The following FREM1 variants were observed in gnomAD, a reference collection of about 807,000 sequenced individuals.
FREM1 encodes FRAS1-related extracellular matrix protein 1.
A neutral mutation model predicts 210.1 loss-of-function variants in FREM1; 220 were observed. The ratio of observed to expected loss-of-function variants is 1.05; its 90% CI spans 0.94 to 1.17. The LOEUF is 1.17. Among genes scored for constraint, FREM1 ranks in the 50% most tolerant of loss-of-function variants. The pLI is 0.00. For synonymous variants in FREM1, 1,189 were observed against 980.2 expected (o/e 1.21, Z -3.98); for missense variants, 3,454 against 2,675.5 (o/e 1.29, Z -6.42).
At chr9:14,866,497 A>G (rs1361636340) in intron 2 of FREM1, among the ~76,000 whole-genome samples, 2 of 152,070 alleles carry the variant, frequency 1.3e-5, no homozygotes, top group Admixed American at 1.3e-4. Context: ...GTAACAATAG[A>G]TTATCTCCAA....
intron 1 of FREM1, among the ~76,000 whole-genome samples, chr9:14,884,703 G>A (rs1835450570): frequency 6.6e-6 from 1 of 152,024 alleles, no homozygotes; most frequent in African/African-American, 2.4e-5. Context: ...GAGATAATCT[G>A]TGCACAACAA....
intron 1 of FREM1, among the ~76,000 whole-genome samples, chr9:14,883,733 T>C (rs950772264): frequency 6.6e-5 from 10 of 152,206 alleles, no homozygotes; most frequent in Non-Finnish European, 1.5e-4. Flanking sequence ...AACACTCTAA[T>C]GGGAAGCCTA....
intron 35 of FREM1, among the ~76,000 whole-genome samples, chr9:14,745,012 C>T (rs1036365543): frequency 2.0e-5 from 3 of 152,114 alleles, no homozygotes; most frequent in Non-Finnish European, 2.9e-5. Context: ...CAAACTAATG[C>T]AGGAACAGAA....
rs191587501 is a variant in FREM1, at chr9:14,786,244, G to A, written c.4178-1610C>T. Among the ~76,000 whole-genome samples the A allele has an allele frequency of 1.3e-3, 200 of 152,250 alleles. 1 individual carries two copies. The highest frequency in any genetic ancestry group is 2.1e-3 in the Non-Finnish European group (143 of 68,006). On this transcript the variant is annotated intron_variant, in intron 23 of 36. Coordinates refer to ENST00000380880, the MANE Select transcript of FREM1 (RefSeq NM_001379081.2). ...TAAAACATTGAGTGAGAATTCGTAC[G>A]CAAGCCATCTGAGCCCAGAGCACAA...
intron 20 of FREM1, 21 bp downstream of exon 20, chr9:14,801,631 T>A: frequency 6.7e-7 from 1 of 1,492,358 alleles, no homozygotes. Flanking sequence ...AACAAATGCA[T>A]GGAAGTGGAA....
At chr9:14,859,754 T>C (rs1829457985) in intron 3 of FREM1, among the ~76,000 whole-genome samples, 1 of 152,228 alleles carries the variant, frequency 6.6e-6, no homozygotes, top group Non-Finnish European at 1.5e-5. Context: ...GGATATTTAA[T>C]GACTGCTGAG....
intron 20 of FREM1, among the ~76,000 whole-genome samples, chr9:14,800,172 A>G (rs1307494032): frequency 6.6e-6 from 1 of 152,160 alleles, no homozygotes; most frequent in East Asian, 1.9e-4. Context: ...GAAGTTGGAA[A>G]AATGTTAAAC....
At chr9:14,901,446 A>G (rs779437470) in intron 1 of FREM1, among the ~76,000 whole-genome samples, 1 of 152,102 alleles carries the variant, frequency 6.6e-6, no homozygotes, top group African/African-American at 2.4e-5. Context: ...ATGGACCTCA[A>G]TCTTGTTCGT....
chr9:14,800,057 A>G (rs1422800944), intron 20 of FREM1, among the ~76,000 whole-genome samples: 2 of 149,712 alleles, frequency 1.3e-5, no homozygotes, highest in African/African-American at 4.9e-5. Context: ...GTTTGGTTAT[A>G]AATGCATTTT....
At chr9:14,897,359 G>A (rs1837918695) in intron 1 of FREM1, among the ~76,000 whole-genome samples, 1 of 152,112 alleles carries the variant, frequency 6.6e-6, no homozygotes, top group African/African-American at 2.4e-5. Flanking sequence ...GGGGAGCCCA[G>A]GTGCCTGAAA....
intron 27 of FREM1, 112 bp downstream of exon 27, chr9:14,769,597 AGCTTGTGAAATGGTC>A: frequency 1.0e-6 from 1 of 973,296 alleles, no homozygotes; most frequent in Non-Finnish European, 1.5e-6. Context: ...AAATTCCATG[AGCTTGTGAAATGGTC>A]TATTAATTTA....
intron 24 of FREM1, among the ~76,000 whole-genome samples, chr9:14,782,651 G>A (rs1849810447): frequency 1.3e-5 from 2 of 152,182 alleles, no homozygotes; most frequent in East Asian, 3.8e-4. Flanking sequence ...CCTCCTTCAA[G>A]ATCATACTTG....
At chr9:14,797,700 T>C in intron 20 of FREM1, 58 bp from the exon 21 acceptor site, 1 of 1,403,728 alleles carries the variant, frequency 7.1e-7, no homozygotes, top group Non-Finnish European at 1.0e-6. Context: ...TCATGACATA[T>C]GTCACAGATA....
intron 25 of FREM1, among the ~76,000 whole-genome samples, chr9:14,771,648 A>G (rs962157098): frequency 1.8e-4 from 28 of 152,154 alleles, no homozygotes; most frequent in African/African-American, 6.0e-4. Context: ...AAGAATCTTC[A>G]TTCCCCTCAC....
Position 14,836,118 on chromosome 9 carries a change from C to A in FREM1, c.1881+5329G>T, listed in dbSNP as rs567375163. 6.6e-6 allele frequency among the ~76,000 whole-genome samples: 1 copy of A among 152,280 alleles called. No homozygotes were observed. The highest frequency in any genetic ancestry group is 2.4e-5 in the African/African-American group (1 of 41,564). On this transcript the variant is annotated intron_variant, in intron 10 of 36. Coordinates refer to ENST00000380880, the MANE Select transcript of FREM1 (RefSeq NM_001379081.2). The surrounding 1 kb of genome is among the most constrained non-coding windows in gnomAD (Gnocchi z 4.9). ...TGTTTGGGAAAATAAAACCAAGGAA[C>A]TTCATAGACCCCCAAAGGGGAGTTC...
At position 14,819,435 on chromosome 9, in the gene FREM1, G is replaced by T; in HGVS notation, c.2345C>A (p.Thr782Asn). 1 of 1,607,706 alleles carries T rather than the reference G, an allele frequency of 6.2e-7. No individual in the cohort carries two copies. Among genetic ancestry groups the T allele is most frequent in the Non-Finnish European group, 8.5e-7 (1 of 1,174,832 alleles). Residue 782 changes from threonine (T) to asparagine (N), a missense_variant, in exon 14 of 37, where the codon ACC becomes AAC. Coordinates refer to ENST00000380880, the MANE Select transcript of FREM1 (RefSeq NM_001379081.2). ...TCCCTCAGTCACTTTCAGAGGGTTG[G>T]TGAACGCCTAGAAAGAAGAAAGGAA... ...PVDNQVPEAF[T>N]NPLKVTEGGQ...
At chr9:14,897,782 C>T (rs1323928945) in intron 1 of FREM1, among the ~76,000 whole-genome samples, 2 of 152,006 alleles carry the variant, frequency 1.3e-5, no homozygotes, top group African/African-American at 4.8e-5. Context: ...TTTGTAGAAA[C>T]AGGGTCTCAG....
At chr9:14,785,656 G>T (rs1016333900) in intron 23 of FREM1, among the ~76,000 whole-genome samples, 1 of 152,110 alleles carries the variant, frequency 6.6e-6, no homozygotes, top group East Asian at 1.9e-4. Context: ...GAACCTTGGG[G>T]ACATTATGCT....
chr9:14,822,582 G>C (rs1396697521), intron 13 of FREM1, among the ~76,000 whole-genome samples: 1 of 152,128 alleles, frequency 6.6e-6, no homozygotes. Flanking sequence ...AGGGGAACCG[G>C]GTAGGTATGG....
Sources: gnomAD v4.1 joint callset for allele counts (sites outside exome capture counted in the v4.1 genomes callset) on GRCh38, gnomAD v4.1.1 for gene constraint, Gnocchi (gnomAD v3.1) non-coding constraint, MANE v1.5 for transcripts, NCBI Gene and HGNC (gene_info 2026-07-23, HGNC 2026-07-21) for gene names.